PARP4: variants seen among roughly 807,000 people sequenced by gnomAD.
The protein encoded by PARP4 is poly(ADP-ribose) polymerase family member 4.
Under a neutral mutation model 187.7 loss-of-function variants are expected in PARP4, and 120 were observed. The observed-to-expected ratio is 0.64, with a 90% CI of 0.55 to 0.74. PARP4 has a LOEUF of 0.74. Among genes scored for constraint, PARP4 ranks in the 30% least tolerant of loss-of-function variants. The pLI, the probability that PARP4 is intolerant of heterozygous loss-of-function variation, is 0.00. For missense variants in PARP4, 1,836 were observed against 2,070.5 expected (o/e 0.89, Z 2.20); for synonymous variants, 654 against 740.9 (o/e 0.88, Z 1.90).
At chr13:24,486,709 T>C (rs1237651984) in intron 10 of PARP4, among the ~76,000 whole-genome samples, 1 of 152,210 alleles carries the variant, frequency 6.6e-6, no homozygotes, top group Non-Finnish European at 1.5e-5. Flanking sequence ...CCCAGCACTC[T>C]GGGAGGCCAA....
intron 20 of PARP4, 81 bp from the exon 21 acceptor site, chr13:24,456,559 A>G (rs1871865133): frequency 3.1e-6 from 4 of 1,296,510 alleles, no homozygotes; most frequent in African/African-American, 1.5e-5. Context: ...GTCATGGAGC[A>G]AACCCTTGCA....
At chr13:24,427,624 A>G (rs1870126249) in intron 32 of PARP4, among the ~76,000 whole-genome samples, 1 of 152,234 alleles carries the variant, frequency 6.6e-6, no homozygotes. Context: ...TAAAGACAAA[A>G]GGACTTGGCA....
intron 6 of PARP4, among the ~76,000 whole-genome samples, chr13:24,496,940 T>C (rs1868991091): frequency 6.6e-6 from 1 of 151,998 alleles, no homozygotes; most frequent in African/African-American, 2.4e-5. Context: ...CAAGAATCGC[T>C]TGAACCTGGG....
Position 24,442,085 on chromosome 13 carries a change from C to A in PARP4, c.3544-117G>T. On this transcript the variant is annotated intron_variant, in intron 29 of 33. Coordinates refer to ENST00000381989, the MANE Select transcript of PARP4 (RefSeq NM_006437.4). Reference sequence around the variant, plus strand: ...GATATGCTGGTGTGTGGGACTGGAGCTTGTGCCGTGGGCCACAAGCGTGAG... The same window carrying A: ...GATATGCTGGTGTGTGGGACTGGAGATTGTGCCGTGGGCCACAAGCGTGAG... 10 of 1,198,746 alleles carry A rather than the reference C, an allele frequency of 8.3e-6. 2 individuals carry two copies. Among genetic ancestry groups the A allele is most frequent in the Non-Finnish European group, 1.1e-5 (10 of 905,126 alleles). The allele number at this position is 1,198,746 out of a possible 1,614,324, so 74.3% of individuals were successfully genotyped here.
At chr13:24,445,288 C>T (rs1010556281) in intron 27 of PARP4, among the ~76,000 whole-genome samples, 169 of 151,696 alleles carry the variant, frequency 1.1e-3, no homozygotes, top group African/African-American at 4.0e-3. Context: ...ATTTGTTATT[C>T]CTAACAGGAC....
At chr13:24,425,541 GCA>G (rs1869988146) in intron 33 of PARP4, among the ~76,000 whole-genome samples, 1 of 83,780 alleles carries the variant, frequency 1.2e-5, no homozygotes, top group East Asian at 3.8e-4. Context: ...ATGCATGTGT[GCA>G]TGTGTGTGTG....
intron 22 of PARP4, 142 bp from the exon 23 acceptor site, chr13:24,453,796 CTGTT>C (rs963805877): frequency 3.3e-6 from 2 of 601,098 alleles, no homozygotes; most frequent in Admixed American, 3.0e-5. Context: ...TTTTAGAAAA[CTGTT>C]TGATAATTTT....
At chr13:24,442,720 T>G in intron 28 of PARP4, 35 bp from the exon 29 acceptor site, 1 of 1,166,784 alleles carries the variant, frequency 8.6e-7, no homozygotes, top group Non-Finnish European at 1.3e-6. Context: ...ATGTCCTGTT[T>G]TATTTCTATT....
chr13:24,437,352 AAAG>A (rs1467870813), intron 30 of PARP4, among the ~76,000 whole-genome samples: 1 of 152,188 alleles, frequency 6.6e-6, no homozygotes, highest in Non-Finnish European at 1.5e-5. Context: ...CACTAAACAA[AAAG>A]AAGAAACACA....
chr13:24,482,215 C>T (rs935190875), intron 12 of PARP4, among the ~76,000 whole-genome samples: 10 of 152,184 alleles, frequency 6.6e-5, no homozygotes, highest in African/African-American at 2.2e-4. Flanking sequence ...TGAGGAGTTG[C>T]TTCTTATGAG....
intron 17 of PARP4, among the ~76,000 whole-genome samples, chr13:24,462,807 T>A (rs2137487871): frequency 1.3e-5 from 2 of 152,220 alleles, no homozygotes; most frequent in African/African-American, 4.8e-5. Context: ...GAGAAAAGAA[T>A]GAATGAACTT....
At chr13:24,506,253 T>G (rs1869662773) in intron 1 of PARP4, among the ~76,000 whole-genome samples, 1 of 152,222 alleles carries the variant, frequency 6.6e-6, no homozygotes, top group Non-Finnish European at 1.5e-5. Flanking sequence ...AGTTGTTTAC[T>G]CCTACCGGTG....
chr13:24,469,724 GC>G (rs1192804356), intron 16 of PARP4, among the ~76,000 whole-genome samples, 169 bp downstream of exon 16: 1 of 152,222 alleles, frequency 6.6e-6, no homozygotes, highest in Non-Finnish European at 1.5e-5. Context: ...ACGGAGGGAT[GC>G]TTGAGGGAGG....
At position 24,479,601 on chromosome 13, in the gene PARP4, CTG is replaced by C. The variant is rs781638488; in HGVS notation, c.1449-1327_1449-1326del. Among the ~76,000 whole-genome samples the C allele has an allele frequency of 2.8e-4, 43 of 152,236 alleles. 1 individual carries two copies. The South Asian group carries it at 8.1e-3, about 29-fold the overall frequency. On this transcript the variant is annotated intron_variant, in intron 12 of 33. Transcript: ENST00000381989. ...CTTGGAGAACCTTTGTGTGGACACTCTGTGTCTAGCTAATCTGGTGGGGAGGT... is the reference window on the plus strand; with the variant it reads ...CTTGGAGAACCTTTGTGTGGACACTCTGTCTAGCTAATCTGGTGGGGAGGT...
At chr13:24,507,047 C>A (rs181180374) in intron 1 of PARP4, among the ~76,000 whole-genome samples, 1 of 152,216 alleles carries the variant, frequency 6.6e-6, no homozygotes, top group African/African-American at 2.4e-5. Context: ...GCTGCTGGCC[C>A]GGACGCTAAG....
chr13:24,432,451 C>T (rs1178877790), intron 31 of PARP4, among the ~76,000 whole-genome samples: 7 of 152,154 alleles, frequency 4.6e-5, no homozygotes, highest in Non-Finnish European at 4.4e-5. Context: ...GTTAAATATA[C>T]ACCTGTGAAA....
intron 2 of PARP4, 56 bp from the exon 3 acceptor site, chr13:24,501,890 G>T: frequency 9.8e-7 from 1 of 1,020,082 alleles, no homozygotes; most frequent in Non-Finnish European, 1.5e-6. Context: ...ATTTAAATAA[G>T]ATATTTGTAT....
chr13:24,500,527 A>AAAGAGGAAGGTATATTTT, intron 3 of PARP4, 145 bp from the exon 4 acceptor site: 1 of 461,974 alleles, frequency 2.2e-6, no homozygotes, highest in Non-Finnish European at 3.9e-6. Context: ...CCCAGTGGGA[A>AAAGAGGAAGGTATATTTT]AAGAGGAAGG....
At chr13:24,422,795 G>A (rs941264204) in intron 33 of PARP4, among the ~76,000 whole-genome samples, 1 of 151,954 alleles carries the variant, frequency 6.6e-6, no homozygotes, top group African/African-American at 2.4e-5. Context: ...TTTTAGTAGA[G>A]ACGGGGTTTC....
Sources: gnomAD v4.1 joint callset for allele counts (sites outside exome capture counted in the v4.1 genomes callset) on GRCh38, gnomAD v4.1.1 for gene constraint, MANE v1.5 for transcripts, NCBI Gene and HGNC (gene_info 2026-07-23, HGNC 2026-07-21) for gene names.